ARID2: variants seen among roughly 807,000 people sequenced by gnomAD.
The protein encoded by ARID2 is AT-rich interactive domain-containing protein 2.
In ARID2, 32 loss-of-function variants were observed where a neutral mutation model predicts 184.6. The observed-to-expected ratio is 0.17, with a 90% CI of 0.13 to 0.23. ARID2 has a LOEUF of 0.23. Among genes scored for constraint, ARID2 ranks in the 10% least tolerant of loss-of-function variants. ARID2 has a pLI of 1.00. For synonymous variants in ARID2, 836 were observed against 772.6 expected, an observed-to-expected ratio of 1.08 and a Z score of -1.36; for missense variants, 1,696 against 2,197.6, an observed-to-expected ratio of 0.77 and a Z score of 4.56.
intron 15 of ARID2, among the ~76,000 whole-genome samples, chr12:45,855,980 C>G (rs1943640138): frequency 6.6e-6 from 1 of 151,972 alleles, no homozygotes; most frequent in Non-Finnish European, 1.5e-5. Flanking sequence ...ATCCCCGCGC[C>G]TTGGCCTCCC....
At chr12:45,782,212 G>A (rs115361379) in intron 3 of ARID2, among the ~76,000 whole-genome samples, 104 of 152,192 alleles carry the variant, frequency 6.8e-4, no homozygotes, top group Non-Finnish European at 1.1e-3. Flanking sequence ...TAGCAAATGT[G>A]TCTAGAAACA....
intron 3 of ARID2, among the ~76,000 whole-genome samples, chr12:45,804,049 A>G (rs1358718278): frequency 6.6e-6 from 1 of 152,130 alleles, no homozygotes; most frequent in Non-Finnish European, 1.5e-5. Context: ...CATAAATTAA[A>G]TGTCTTTCCC....
At chr12:45,876,278 C>T (rs1319490071) in intron 16 of ARID2, among the ~76,000 whole-genome samples, 1 of 152,170 alleles carries the variant, frequency 6.6e-6, no homozygotes, top group African/African-American at 2.4e-5. Context: ...TGGCTGGGTG[C>T]AGTGGCTCAC....
chr12:45,801,877 C>G lies in ARID2; in HGVS notation c.285-9541C>G, dbSNP rs771788260. On this transcript the variant is annotated intron_variant, in intron 3 of 20. Transcript: ENST00000334344. Reference sequence around the variant, plus strand: ...ATATAAACAATTGGTGTATCTGGATCTGGATGAAGGATAAATGAATTCTTT... The same window carrying G: ...ATATAAACAATTGGTGTATCTGGATGTGGATGAAGGATAAATGAATTCTTT... Among the ~76,000 whole-genome samples the G allele has an allele frequency of 4.6e-5, 7 of 152,020 alleles. 1 individual carries two copies. Among genetic ancestry groups the G allele is most frequent in the Non-Finnish European group, 1.0e-4 (7 of 68,002 alleles).
chr12:45,802,240 A>T (rs1942518411), intron 3 of ARID2, among the ~76,000 whole-genome samples: 1 of 151,702 alleles, frequency 6.6e-6, no homozygotes. Flanking sequence ...CTAATTTTTT[A>T]TTTTTTGTAG....
chr12:45,817,958 A>G, intron 5 of ARID2, 70 bp downstream of exon 5: 1 of 1,228,728 alleles, frequency 8.1e-7, no homozygotes, highest in South Asian at 1.7e-5. Context: ...TTTAAGGAGA[A>G]AGTACTTTTT....
intron 3 of ARID2, among the ~76,000 whole-genome samples, chr12:45,781,525 A>G (rs1211178351): frequency 6.6e-6 from 1 of 150,854 alleles, no homozygotes; most frequent in Non-Finnish European, 1.5e-5. Flanking sequence ...ACCAAGTCTT[A>G]CAAGAGTAAT....
In ARID2 at chr12:45,736,602, G is replaced by A. The variant is rs144818928; in HGVS notation, c.284+5288G>A. ...AATGGATTTTGTCTGAATTGGGAAG[G>A]ACATAGAGGATAAATGGAGCAGACG... On this transcript the variant is annotated intron_variant, in intron 3 of 20. Transcript: ENST00000334344. Among the ~76,000 whole-genome samples, 161 of 152,242 alleles carry A rather than the reference G, an allele frequency of 1.1e-3. 4 individuals carry two copies. In the East Asian group the frequency reaches 0.029, roughly 27 times the overall value.
At chr12:45,861,068 G>A (rs1046778945) in intron 16 of ARID2, 119 bp downstream of exon 16, 27 of 831,140 alleles carry the variant, frequency 3.2e-5, no homozygotes, top group Admixed American at 3.8e-5. Flanking sequence ...TAACTTTAGC[G>A]AAACTACAAG....
intron 16 of ARID2, among the ~76,000 whole-genome samples, chr12:45,867,255 T>C (rs1943845040): frequency 6.7e-6 from 1 of 150,208 alleles, no homozygotes. Context: ...AGCCTGTTGT[T>C]ACTTGTTTGT....
chr12:45,780,687 C>T (rs975181301), intron 3 of ARID2, among the ~76,000 whole-genome samples: 4 of 152,040 alleles, frequency 2.6e-5, no homozygotes, highest in African/African-American at 9.7e-5. Context: ...GGCGTGATCT[C>T]GGCTCACTGC....
intron 3 of ARID2, among the ~76,000 whole-genome samples, chr12:45,738,552 C>T (rs1157495554): frequency 1.3e-5 from 2 of 152,124 alleles, no homozygotes; most frequent in African/African-American, 4.8e-5. Flanking sequence ...CTCAGGTGAT[C>T]CACCCATCTT....
At chr12:45,793,020 C>T (rs566801316) in intron 3 of ARID2, among the ~76,000 whole-genome samples, 53 of 152,020 alleles carry the variant, frequency 3.5e-4, no homozygotes, top group South Asian at 1.7e-3. Flanking sequence ...TATTTTGGGC[C>T]GGGTGCAGTG....
chr12:45,751,659 A>G (rs1490232994), intron 3 of ARID2, among the ~76,000 whole-genome samples: 1 of 152,232 alleles, frequency 6.6e-6, no homozygotes, highest in East Asian at 1.9e-4. Context: ...GTGTACTTAC[A>G]CAAACCTAGC....
chr12:45,771,434 G>A (rs1941874580), intron 3 of ARID2, among the ~76,000 whole-genome samples: 2 of 151,436 alleles, frequency 1.3e-5, no homozygotes, highest in Admixed American at 1.3e-4. Context: ...GGAAGTTGAG[G>A]CAGGTAGATC....
rs1423871055 is a variant in ARID2, at chr12:45,848,907, C to T, written c.1652C>T (p.Ser551Leu). 5 of 1,612,330 alleles carry T rather than the reference C, an allele frequency of 3.1e-6. No individual in the cohort carries two copies. Among genetic ancestry groups the T allele is most frequent in the Admixed American group, 1.7e-5 (1 of 59,938 alleles). ...SRAEMYSEYL[S>L]TCSKLARGGI... ...GCAGAAATGTATTCTGAATACCTCT[C>T]GACTTGCAGTAAATTAGCTCGTGGT... Residue 551 changes from serine to leucine, a missense_variant, in exon 13 of 21, where the codon TCG becomes TTG. Transcript: ENST00000334344.
At chr12:45,866,401 T>C (rs1247302289) in intron 16 of ARID2, among the ~76,000 whole-genome samples, 2 of 152,204 alleles carry the variant, frequency 1.3e-5, no homozygotes, top group African/African-American at 4.8e-5. Context: ...TTTAGTTATT[T>C]GCTATTACAT....
intron 3 of ARID2, among the ~76,000 whole-genome samples, chr12:45,783,672 T>C (rs1942139590): frequency 6.6e-6 from 1 of 152,250 alleles, no homozygotes; most frequent in Non-Finnish European, 1.5e-5. Flanking sequence ...GAGAATCTAA[T>C]GCCACTGCTG....
Position 45,778,828 on chromosome 12 carries a change from A to T in ARID2, c.285-32590A>T, listed in dbSNP as rs145229518. 5.4e-3 allele frequency among the ~76,000 whole-genome samples: 825 copies of T among 152,104 alleles called. 7 individuals are homozygous for T. The highest frequency in any genetic ancestry group is 0.019 in the African/African-American group (787 of 41,538). On this transcript the variant is annotated intron_variant, in intron 3 of 20. Transcript: ENST00000334344. ...AGCTGATACTGGTTAATTATAGAAAATCTGGAAACATCTGAAAAAGTATCT... is the reference window on the plus strand; with the variant it reads ...AGCTGATACTGGTTAATTATAGAAATTCTGGAAACATCTGAAAAAGTATCT...
Sources: allele counts gnomAD v4.1 joint callset (sites outside exome capture counted in the v4.1 genomes callset), GRCh38; gene constraint gnomAD v4.1.1; transcripts MANE v1.5; gene names NCBI Gene and HGNC (gene_info 2026-07-23, HGNC 2026-07-21).